RABGAP1L: variants seen among roughly 807,000 people sequenced by gnomAD.
RABGAP1L encodes rab GTPase-activating protein 1-like.
RABGAP1L carries 63 observed loss-of-function variants against 137.7 expected under a neutral mutation model. That is an observed-to-expected ratio of 0.46 (90% CI 0.37 to 0.56). RABGAP1L has a LOEUF of 0.56. RABGAP1L is among the 20% of genes least tolerant of loss of function. The pLI is 0.00. For synonymous variants in RABGAP1L, 431 were observed against 433.7 expected (o/e 0.99, Z 0.08); for missense variants, 1,095 against 1,244.0 (o/e 0.88, Z 1.80).
At chr1:174,435,202 C>T (rs553316921) in intron 13 of RABGAP1L, among the ~76,000 whole-genome samples, 30 of 152,084 alleles carry the variant, frequency 2.0e-4, no homozygotes, top group Admixed American at 1.8e-3. Context: ...GTTTTTGGTA[C>T]GAACAAGGTC....
intron 12 of RABGAP1L, among the ~76,000 whole-genome samples, chr1:174,384,024 A>T (rs1045703084): frequency 6.6e-6 from 1 of 152,146 alleles, no homozygotes; most frequent in Non-Finnish European, 1.5e-5. Context: ...ACTGCAAACA[A>T]CCCAAATGTC....
At chr1:174,532,355 C>G (rs1194138690) in intron 13 of RABGAP1L, among the ~76,000 whole-genome samples, 1 of 151,782 alleles carries the variant, frequency 6.6e-6, no homozygotes, top group Admixed American at 6.6e-5. Flanking sequence ...ACTACAGGTG[C>G]GCACCACCAC....
At chr1:174,677,159 C>CAAAAAAAAAAAAAAA (rs10636911) in intron 14 of RABGAP1L, among the ~76,000 whole-genome samples, 8 of 126,342 alleles carry the variant, frequency 6.3e-5, no homozygotes, top group Admixed American at 2.3e-4. Context: ...CCATCTCTAC[C>CAAAAAAAAAAAAAAA]AAAAAAAAAA....
chr1:174,562,547 C>G (rs949734110), intron 13 of RABGAP1L, among the ~76,000 whole-genome samples: 4 of 152,242 alleles, frequency 2.6e-5, no homozygotes, highest in Admixed American at 2.0e-4. Flanking sequence ...TATAAAGACA[C>G]ATGCTCACGT....
chr1:174,650,148 G>T (rs200263787), intron 14 of RABGAP1L, among the ~76,000 whole-genome samples: 1 of 152,034 alleles, frequency 6.6e-6, no homozygotes, highest in East Asian at 1.9e-4. Context: ...ATTGATTTAC[G>T]TATATTGAAC....
At chr1:174,896,575 C>A (rs1657218005) in intron 19 of RABGAP1L, among the ~76,000 whole-genome samples, 1 of 152,158 alleles carries the variant, frequency 6.6e-6, no homozygotes, top group South Asian at 2.1e-4. Context: ...GGTTTTATGT[C>A]TAACATTTAA....
At chr1:174,183,498 A>G (rs1474705927) in intron 1 of RABGAP1L, among the ~76,000 whole-genome samples, 1 of 152,238 alleles carries the variant, frequency 6.6e-6, no homozygotes, top group Non-Finnish European at 1.5e-5. Flanking sequence ...AGCAGAAAGT[A>G]CAGACAGTTC....
At position 174,555,842 on chromosome 1, in the gene RABGAP1L, G is replaced by T. The variant is rs967153439; in HGVS notation, c.1711-81533G>T. Among the ~76,000 whole-genome samples the T allele has an allele frequency of 2.0e-5, 3 of 152,174 alleles. No homozygotes were observed. In the East Asian group the frequency reaches 5.8e-4, roughly 29 times the overall value. On this transcript the variant is annotated intron_variant, in intron 13 of 25. Transcript: ENST00000681986. ...GAATATGTCTCCTATTCTTTTTCAG[G>T]AGAAGTGACTATGTCAGTTTGTTTG...
chr1:174,596,064 G>C (rs1229074779), intron 13 of RABGAP1L, among the ~76,000 whole-genome samples: 2 of 119,534 alleles, frequency 1.7e-5, no homozygotes, highest in East Asian at 4.4e-4. Flanking sequence ...GTGGTGCGCC[G>C]TTTCTTAAGC....
intron 11 of RABGAP1L, among the ~76,000 whole-genome samples, chr1:174,358,597 A>G (rs1683852529): frequency 6.6e-6 from 1 of 152,200 alleles, no homozygotes; most frequent in South Asian, 2.1e-4. Flanking sequence ...TTCTTCACCC[A>G]GGATGGCCTC....
chr1:174,741,045 G>GTTT (rs60884941), intron 17 of RABGAP1L, among the ~76,000 whole-genome samples: 2 of 119,890 alleles, frequency 1.7e-5, no homozygotes, highest in Non-Finnish European at 3.8e-5. Context: ...TTTTTGTTTT[G>GTTT]TTTTTTTTTT....
intron 19 of RABGAP1L, among the ~76,000 whole-genome samples, chr1:174,934,746 A>G (rs964485035): frequency 6.6e-6 from 1 of 152,110 alleles, no homozygotes; most frequent in South Asian, 2.1e-4. Flanking sequence ...AACTGAGATA[A>G]TACCACTGCA....
At chr1:174,202,216 G>T (rs1668163269) in intron 1 of RABGAP1L, among the ~76,000 whole-genome samples, 1 of 152,018 alleles carries the variant, frequency 6.6e-6, no homozygotes, top group Admixed American at 6.6e-5. Flanking sequence ...GATCCCTGAG[G>T]AATCGCTACA....
chr1:174,468,129 A>C (rs1657509475), intron 13 of RABGAP1L, among the ~76,000 whole-genome samples: 1 of 152,054 alleles, frequency 6.6e-6, no homozygotes, highest in Non-Finnish European at 1.5e-5. Context: ...AAGATAAATT[A>C]TTGCTTTTGT....
chr1:174,630,786 T>G (rs1297515343), intron 13 of RABGAP1L, among the ~76,000 whole-genome samples: 13 of 144,890 alleles, frequency 9.0e-5, no homozygotes, highest in Admixed American at 1.4e-4. Context: ...TCTCTCTTTT[T>G]TTCTTTATTA....
At chr1:174,650,183 C>T (rs1393345280) in intron 14 of RABGAP1L, among the ~76,000 whole-genome samples, 1 of 152,102 alleles carries the variant, frequency 6.6e-6, no homozygotes, top group Non-Finnish European at 1.5e-5. Context: ...AGGGATGGAG[C>T]CCACTTGATC....
At chr1:174,283,379 C>T (rs928033729) in intron 10 of RABGAP1L, among the ~76,000 whole-genome samples, 9 of 151,866 alleles carry the variant, frequency 5.9e-5, no homozygotes, top group Non-Finnish European at 1.2e-4. Context: ...TGCACTCCAG[C>T]CTGGGCCACA....
In RABGAP1L at chr1:174,481,903, GA is replaced by G. The variant is rs200531757; in HGVS notation, c.1710+87768del. On this transcript the variant is annotated intron_variant, in intron 13 of 25. Coordinates refer to ENST00000681986, the MANE Select transcript of RABGAP1L (RefSeq NM_001366446.1). Reference sequence around the variant, plus strand: ...AAATAAAAAAAAAAAGAAAAAAAAAGAAAAAAAAAAGAAACCACTGAATATG... The same window carrying G: ...AAATAAAAAAAAAAAGAAAAAAAAAGAAAAAAAAAGAAACCACTGAATATG... Among the ~76,000 whole-genome samples the G allele has an allele frequency of 8.9e-3, 1,257 of 141,004 alleles. 13 individuals are homozygous for G. The highest frequency in any genetic ancestry group is 0.03 in the African/African-American group (1,137 of 38,242). 92.5% of individuals were successfully genotyped at this position (141,004 alleles called of 152,430 possible).
chr1:174,211,894 G>T (rs909111701), intron 1 of RABGAP1L, among the ~76,000 whole-genome samples: 27 of 152,238 alleles, frequency 1.8e-4, no homozygotes, highest in African/African-American at 6.0e-4. Flanking sequence ...GAAGATCACT[G>T]TATAATGACT....
Sources: allele counts gnomAD v4.1 joint callset (sites outside exome capture counted in the v4.1 genomes callset), GRCh38; gene constraint gnomAD v4.1.1; transcripts MANE v1.5; gene names NCBI Gene and HGNC (gene_info 2026-07-23, HGNC 2026-07-21).